DPF3: variants seen among roughly 807,000 people sequenced by gnomAD.
The protein encoded by DPF3 is zinc finger protein DPF3.
In DPF3, 18 loss-of-function variants were observed where a neutral mutation model predicts 56.8. That is an observed-to-expected ratio of 0.32 (90% CI 0.22 to 0.47). The LOEUF (loss-of-function observed/expected upper bound fraction) is 0.47, where lower values mean the gene tolerates loss of function less well. DPF3 is among the 20% of genes least tolerant of loss of function. The pLI is 1.00. For missense variants in DPF3, 403 were observed against 488.8 expected (o/e 0.82, Z 1.65); for synonymous variants, 188 against 180.2 (o/e 1.04, Z -0.35).
At chr14:72,816,213 G>C (rs551503841) in intron 1 of DPF3, among the ~76,000 whole-genome samples, 1 of 152,328 alleles carries the variant, frequency 6.6e-6, no homozygotes, top group Admixed American at 6.5e-5. Flanking sequence ...AGCTAAGCCT[G>C]TGGAGCCAGG....
intron 2 of DPF3, among the ~76,000 whole-genome samples, chr14:72,761,821 T>A (rs1001850894): frequency 6.6e-6 from 1 of 151,858 alleles, no homozygotes; most frequent in African/African-American, 2.4e-5. Context: ...CTAGTCAGAA[T>A]GATGAGGTAA....
In DPF3 at chr14:72,611,567, G is replaced by A. The variant is rs1883727577; in HGVS notation, c.*7730C>T. Among the ~76,000 whole-genome samples, 1 of 152,080 alleles carries A rather than the reference G, an allele frequency of 6.6e-6. No individual in the cohort carries two copies. The highest frequency in any genetic ancestry group is 6.6e-5 in the Admixed American group (1 of 15,260). ...CTAGCAGGGAAAAGACCACTGTGGG[G>A]GTCATTTTCTGCCTCTGATCAGGCC... is the stretch of plus-strand genomic sequence containing the variant. On this transcript the variant is annotated 3_prime_UTR_variant, in exon 11 of 11. Coordinates refer to ENST00000556509, the MANE Select transcript of DPF3 (RefSeq NM_001280542.3).
chr14:72,770,756 T>A (rs1368231168), intron 2 of DPF3, among the ~76,000 whole-genome samples: 2 of 152,210 alleles, frequency 1.3e-5, no homozygotes, highest in African/African-American at 4.8e-5. Flanking sequence ...GAAACATTTT[T>A]AAAAACATAT....
At chr14:72,789,533 G>T (rs1365759618) in intron 1 of DPF3, among the ~76,000 whole-genome samples, 1 of 151,816 alleles carries the variant, frequency 6.6e-6, no homozygotes, top group East Asian at 1.9e-4. Context: ...AATTTTTTTT[G>T]AGACATGGTC....
intron 1 of DPF3, among the ~76,000 whole-genome samples, chr14:72,833,356 G>A (rs371446326): frequency 3.9e-5 from 6 of 152,218 alleles, no homozygotes; most frequent in South Asian, 2.1e-4. Context: ...GGGAGGAGGC[G>A]AAGGCTTGGC....
intron 2 of DPF3, among the ~76,000 whole-genome samples, chr14:72,756,932 AGAGAAGAGAAG>A (rs1890856220): frequency 7.7e-6 from 1 of 129,370 alleles, no homozygotes; most frequent in African/African-American, 3.0e-5. Flanking sequence ...GAAAGAAAGA[AGAGAAGAGAAG>A]AGAAAGGGAG....
At chr14:72,704,396 A>G (rs935243261) in intron 6 of DPF3, among the ~76,000 whole-genome samples, 22 of 152,234 alleles carry the variant, frequency 1.4e-4, no homozygotes, top group Admixed American at 1.4e-3. Context: ...GCCCCCAGGC[A>G]TCTGGGAATC....
At chr14:72,856,750 G>A (rs1003093162) in intron 1 of DPF3, among the ~76,000 whole-genome samples, 5 of 152,166 alleles carry the variant, frequency 3.3e-5, no homozygotes, top group Admixed American at 6.5e-5. Context: ...TGAATAATGC[G>A]TGAAGCACAG....
intron 8 of DPF3, among the ~76,000 whole-genome samples, chr14:72,644,710 G>T (rs1885664590): frequency 1.3e-5 from 2 of 152,322 alleles, no homozygotes; most frequent in Non-Finnish European, 2.9e-5. Context: ...AGCCTCACAA[G>T]TGTTCAAAGA....
chr14:72,776,397 T>C (rs557345671), intron 1 of DPF3, among the ~76,000 whole-genome samples: 1 of 152,276 alleles, frequency 6.6e-6, no homozygotes, highest in East Asian at 1.9e-4. Flanking sequence ...TTGTGAGTGA[T>C]GGAGGTACTT....
chr14:72,648,302 C>A (rs1885784771), intron 8 of DPF3, among the ~76,000 whole-genome samples: 1 of 152,210 alleles, frequency 6.6e-6, no homozygotes, highest in Admixed American at 6.5e-5. Flanking sequence ...AGGCTCACGC[C>A]TCTAATCCCA....
intron 2 of DPF3, among the ~76,000 whole-genome samples, chr14:72,759,336 T>C (rs973657486): frequency 1.3e-5 from 2 of 152,070 alleles, no homozygotes; most frequent in Admixed American, 1.3e-4. Flanking sequence ...GCCTAATATA[T>C]GTGTAATTGA....
intron 8 of DPF3, among the ~76,000 whole-genome samples, chr14:72,646,414 C>T (rs1456085034): frequency 1.3e-5 from 2 of 152,242 alleles, no homozygotes; most frequent in African/African-American, 2.4e-5. Context: ...CGCCAGTGCA[C>T]TGCCTTTACG....
chr14:72,876,268 T>C (rs750568108), intron 1 of DPF3, among the ~76,000 whole-genome samples: 85 of 152,162 alleles, frequency 5.6e-4, no homozygotes, highest in Admixed American at 8.5e-4. Context: ...CCCACCCCTC[T>C]GGGTGGTCCC....
At chr14:72,802,787 C>T (rs1016875504) in intron 1 of DPF3, among the ~76,000 whole-genome samples, 3 of 152,212 alleles carry the variant, frequency 2.0e-5, no homozygotes, top group Non-Finnish European at 4.4e-5. Flanking sequence ...CATGTGAGTG[C>T]TATTCCTCAC....
chr14:72,844,620 ACT>A (rs2140073264), intron 1 of DPF3, among the ~76,000 whole-genome samples: 1 of 128,190 alleles, frequency 7.8e-6, no homozygotes, highest in South Asian at 3.1e-4. Flanking sequence ...TTTCACACAC[ACT>A]CACGCACAAA....
At chr14:72,704,935 T>C (rs1326287581) in intron 6 of DPF3, among the ~76,000 whole-genome samples, 1 of 152,162 alleles carries the variant, frequency 6.6e-6, no homozygotes, top group Non-Finnish European at 1.5e-5. Flanking sequence ...AAAAGGCTCT[T>C]CTCGGTCATC....
chr14:72,690,694 G>A (rs1021345458), intron 7 of DPF3, among the ~76,000 whole-genome samples: 1 of 151,878 alleles, frequency 6.6e-6, no homozygotes. Flanking sequence ...GGAGAACCAA[G>A]GAAAATGAGA....
At chr14:72,838,487 C>T (rs959633571) in intron 1 of DPF3, among the ~76,000 whole-genome samples, 5 of 152,036 alleles carry the variant, frequency 3.3e-5, no homozygotes, top group African/African-American at 1.2e-4. Context: ...GAGTGAGACC[C>T]TGTCTCCAAA....
Sources: allele counts gnomAD v4.1 joint callset (sites outside exome capture counted in the v4.1 genomes callset), GRCh38; gene constraint gnomAD v4.1.1; transcripts MANE v1.5; gene names NCBI Gene and HGNC (gene_info 2026-07-23, HGNC 2026-07-21).